Variants in HPR observed in about 807,000 individuals in gnomAD.
HPR encodes Haptoglobin-related locus.
In HPR, 17 loss-of-function variants were observed where a neutral mutation model predicts 18.5. The ratio of observed to expected loss-of-function variants is 0.92; its 90% CI spans 0.63 to 1.38. The LOEUF is 1.38. Ranked by LOEUF, HPR falls within the 40% of genes most tolerant of loss-of-function variation. The probability of loss-of-function intolerance (pLI) is 0.00; values close to 1 mark genes in which losing one functional copy is unlikely to be tolerated. For synonymous variants in HPR, 176 were observed against 165.0 expected, an observed-to-expected ratio of 1.07 and a Z score of -0.51; for missense variants, 457 against 432.4, an observed-to-expected ratio of 1.06 and a Z score of -0.51.
At chr16:72,073,749 G>A (rs750379004) in intron 1 of HPR, 143 bp from the exon 2 acceptor site, 3 of 1,573,464 alleles carry the variant, frequency 1.9e-6, no homozygotes, top group Non-Finnish European at 2.6e-6. Context: ...TTCTTTTCTG[G>A]CTGCTTAGTG....
chr16:72,073,987 T>G lies in HPR; in HGVS notation c.91+10T>G, dbSNP rs752112297. 9.3e-6 allele frequency: 15 copies of G among 1,613,920 alleles called. No individual in the cohort carries two copies. Among genetic ancestry groups the G allele is most frequent in the Non-Finnish European group, 1.2e-5 (14 of 1,180,000 alleles). On this transcript the variant is annotated intron_variant, in intron 2 of 4. Transcript: ENST00000540303. ...GTCACGGATATTTCAGGTCAGTCTT[T>G]GAGTTGGGTAGGAGCATGCATCCCT...
At chr16:72,064,921 C>T (rs2041581935) in intron 1 of HPR, among the ~76,000 whole-genome samples, 1 of 152,178 alleles carries the variant, frequency 6.6e-6, no homozygotes, top group South Asian at 2.1e-4. Context: ...TGAATAACCC[C>T]AGACTCTCAA....
intron 3 of HPR, chr16:72,074,878 G>A (rs1157185703): frequency 4.5e-6 from 3 of 666,608 alleles, no homozygotes; most frequent in Non-Finnish European, 8.1e-6. Context: ...GCAGAGTCAG[G>A]ATTTGAACCC....
Position 72,076,587 on chromosome 16 carries a change from C to T in HPR, c.553C>T (p.His185Tyr), listed in dbSNP as rs574707341. ...GAAGGTGGTTCTACACCCTAACTAC[C>T]ACCAGGTAGATATTGGGCTCATCAA... is the stretch of plus-strand genomic sequence containing the variant. ...IEKVVLHPNY[H>Y]QVDIGLIKLK... is the part of the protein sequence containing the mutation. Residue 185 changes from histidine to tyrosine, a missense_variant, in exon 5 of 5, where the codon CAC becomes TAC. Transcript: ENST00000540303. The T allele has an allele frequency of 2.6e-4, 417 of 1,614,148 alleles. 2 individuals are homozygous for T. In the East Asian group the frequency reaches 6.9e-3, roughly 27 times the overall value.
At chr16:72,073,796 G>A (rs1325233260) in intron 1 of HPR, 96 bp from the exon 2 acceptor site, 12 of 1,520,746 alleles carry the variant, frequency 7.9e-6, no homozygotes, top group East Asian at 4.7e-5. Flanking sequence ...GTGTGTGCGT[G>A]TGTGTGTGTG....
rs201499331 is a variant in HPR, at chr16:72,076,988, C to T, written c.954C>T (p.Ser318=). The change falls in exon 5 of 5, where the codon AGC becomes AGT. Residue 318 remains serine, a synonymous_variant. Coordinates refer to ENST00000540303, the MANE Select transcript of HPR (RefSeq NM_020995.4). ...CCTGGTACGCGGCTGGGATCCTAAG[C>T]TTTGATAAGAGCTGTGCTGTGGCTG... ...EDTWYAAGIL[S]FDKSCAVAEY... 1.4e-4 allele frequency: 218 copies of T among 1,614,168 alleles called. No individual in the cohort carries two copies. Among genetic ancestry groups the T allele is most frequent in the Non-Finnish European group, 1.8e-4 (211 of 1,180,052 alleles).
rs184091626 is a variant in HPR, at chr16:72,071,463, G to A, written c.6-2429G>A. On this transcript the variant is annotated intron_variant, in intron 1 of 4. Coordinates refer to ENST00000540303, the MANE Select transcript of HPR (RefSeq NM_020995.4). ...CTTCCAAGATCACACAGCCTGGGGTGACAAATCATGTCAAGCTCTTTCTCT... is the reference window on the plus strand; with the variant it reads ...CTTCCAAGATCACACAGCCTGGGGTAACAAATCATGTCAAGCTCTTTCTCT... 2.9e-3 allele frequency among the ~76,000 whole-genome samples: 436 copies of A among 152,198 alleles called. 3 individuals carry two copies. Among genetic ancestry groups the A allele is most frequent in the Middle Eastern group, 0.01 (3 of 294 alleles).
chr16:72,074,101 C>A, intron 2 of HPR, 124 bp downstream of exon 2: 2 of 1,383,962 alleles, frequency 1.4e-6, no homozygotes, highest in Admixed American at 3.7e-5. Context: ...GACCTCTGGG[C>A]TTTCAGGACT....
chr16:72,076,150 A>T (rs189392035), intron 4 of HPR, among the ~76,000 whole-genome samples, 153 bp from the exon 5 acceptor site: 14 of 152,340 alleles, frequency 9.2e-5, no homozygotes, highest in African/African-American at 3.1e-4. Flanking sequence ...TAAAACTGCA[A>T]CTATTGGAAA....
chr16:72,069,451 C>T (rs1341468498), intron 1 of HPR, among the ~76,000 whole-genome samples: 1 of 152,176 alleles, frequency 6.6e-6, no homozygotes, highest in East Asian at 1.9e-4. Flanking sequence ...TGTCTTCCTT[C>T]CCCTACTGCA....
At position 72,074,918 on chromosome 16, in the gene HPR, C is replaced by A. The variant is rs543358972; in HGVS notation, c.194-227C>A. 3.3e-5 allele frequency among the ~76,000 whole-genome samples: 5 copies of A among 152,342 alleles called. No homozygotes were observed. The South Asian group carries it at 1.0e-3, about 32-fold the overall frequency. On this transcript the variant is annotated intron_variant, in intron 3 of 4. Coordinates refer to ENST00000540303, the MANE Select transcript of HPR (RefSeq NM_020995.4). ...CCCTCCCTGTACTGCCTGGCTGTGA[C>A]CGCCATCACCACAGTGTGTTCTGCT...
Position 72,077,158 on chromosome 16 carries a change from G to T in HPR, c.*77G>T. 2 of 1,445,668 alleles carry T rather than the reference G, an allele frequency of 1.4e-6. No homozygotes were observed. Among genetic ancestry groups the T allele is most frequent in the East Asian group, 4.6e-5 (2 of 43,524 alleles). The allele number at this position is 1,445,668 out of a possible 1,614,324, so 89.6% of individuals were successfully genotyped here. On this transcript the variant is annotated 3_prime_UTR_variant, in exon 5 of 5. Transcript: ENST00000540303. ...AGGGCAAAGTGGACGGGAGTGGACA[G>T]GAGTGGATGCGATAAGATGTGGTTT...
Position 72,076,468 on chromosome 16 carries a change from A to G in HPR, c.434A>G (p.Asn145Ser). ...CAATGGCTGCTGACCACGGCTAAAA[A>G]TCTCTTCCTGAACCATTCAGAAAAT... Reference protein sequence around the residue: ...NEQWLLTTAKNLFLNHSENAT... With the variant: ...NEQWLLTTAKSLFLNHSENAT... The change falls in exon 5 of 5, where the codon AAT (asparagine) becomes AGT (serine). Residue 145 changes from asparagine to serine, a missense_variant. Transcript: ENST00000540303. The G allele has an allele frequency of 1.9e-6, 3 of 1,614,136 alleles. No individual in the cohort carries two copies. Among genetic ancestry groups the G allele is most frequent in the Non-Finnish European group, 2.5e-6 (3 of 1,180,014 alleles).
chr16:72,074,452 G>A (rs1033967673), intron 3 of HPR, 67 bp downstream of exon 3: 15 of 1,328,166 alleles, frequency 1.1e-5, no homozygotes, highest in Middle Eastern at 1.8e-4. Flanking sequence ...CATGATGGGT[G>A]GTGCTGAGGT....
At chr16:72,075,461 A>G (rs2041709021) in intron 4 of HPR, among the ~76,000 whole-genome samples, 1 of 152,240 alleles carries the variant, frequency 6.6e-6, no homozygotes, top group African/African-American at 2.4e-5. Flanking sequence ...GGCATTGCCC[A>G]CAGATCAGGA....
rs199831502 is a variant in HPR at position 72,076,970 on chromosome 16, C to T, written c.936C>T (p.Tyr312=). Residue 312 remains tyrosine (Y), a synonymous_variant, in exon 5 of 5, where the codon TAC becomes TAT. Coordinates refer to ENST00000540303, the MANE Select transcript of HPR (RefSeq NM_020995.4). Reference sequence around the variant, plus strand: ...ACGACCTGGAGGAGGACACCTGGTACGCGGCTGGGATCCTAAGCTTTGATA... The same window carrying T: ...ACGACCTGGAGGAGGACACCTGGTATGCGGCTGGGATCCTAAGCTTTGATA... The part of the protein sequence containing the change: ...AVHDLEEDTW[Y]AAGILSFDKS... The T allele has an allele frequency of 1.2e-4, 190 of 1,614,144 alleles. No homozygotes were observed. The highest frequency in any genetic ancestry group is 4.9e-4 in the Middle Eastern group (3 of 6,062).
At chr16:72,074,113 C>A (rs2041689825) in intron 2 of HPR, 136 bp downstream of exon 2, 3 of 1,344,418 alleles carry the variant, frequency 2.2e-6, no homozygotes, top group Non-Finnish European at 3.2e-6. Flanking sequence ...TTCAGGACTG[C>A]CAAGAACATT....
intron 1 of HPR, among the ~76,000 whole-genome samples, chr16:72,064,011 A>G (rs1039249455): frequency 1.3e-5 from 2 of 152,116 alleles, no homozygotes; most frequent in Admixed American, 1.3e-4. Context: ...AAGTGTTGGG[A>G]TTACAGGTGT....
chr16:72,065,850 C>G (rs1365316902), intron 1 of HPR, among the ~76,000 whole-genome samples: 1 of 152,140 alleles, frequency 6.6e-6, no homozygotes, highest in East Asian at 1.9e-4. Context: ...CACCTAAAGT[C>G]AGCACATGGG....
Sources: gnomAD v4.1 joint callset for allele counts (sites outside exome capture counted in the v4.1 genomes callset) on GRCh38, gnomAD v4.1.1 for gene constraint, MANE v1.5 for transcripts, NCBI Gene and HGNC (gene_info 2026-07-23, HGNC 2026-07-21) for gene names.